The following MTOR variants were observed in gnomAD, a reference collection of about 807,000 sequenced individuals.
MTOR encodes the protein mechanistic target of rapamycin kinase.
In MTOR, 70 loss-of-function variants were observed where a neutral mutation model predicts 319.8. The observed-to-expected ratio is 0.22, with a 90% CI of 0.18 to 0.27. MTOR has a LOEUF of 0.27. Ranked by LOEUF, MTOR falls within the 10% of genes least tolerant of loss-of-function variation. The probability of loss-of-function intolerance (pLI) is 1.00; values close to 1 mark genes in which losing one functional copy is unlikely to be tolerated. For missense variants in MTOR, 1,890 were observed against 3,274.4 expected (o/e 0.58, Z 10.32); for synonymous variants, 1,183 against 1,211.4 (o/e 0.98, Z 0.49).
intron 4 of MTOR, 130 bp downstream of exon 4, chr1:11,256,803 T>C: frequency 1.2e-6 from 1 of 836,754 alleles, no homozygotes; most frequent in Non-Finnish European, 1.9e-6. Context: ...CTCTACCCCA[T>C]CTCACAGCCT....
chr1:11,173,080 G>A (rs769209580), intron 28 of MTOR, among the ~76,000 whole-genome samples: 84 of 150,948 alleles, frequency 5.6e-4, no homozygotes, highest in Non-Finnish European at 1.1e-3. Flanking sequence ...TGCACCCTCC[G>A]CTTCTTGGGT....
Position 11,130,641 on chromosome 1 carries a change from G to C in MTOR, c.5501C>G (p.Thr1834Arg), listed in dbSNP as rs142403193. 2 of 1,611,638 alleles carry C rather than the reference G, an allele frequency of 1.2e-6. No individual in the cohort carries two copies. Among genetic ancestry groups the C allele is most frequent in the Non-Finnish European group, 1.7e-6 (2 of 1,178,480 alleles). ...GGCAGTGGTGGTGGCAGTGGCGGCC[G>C]TGGTGGCGGCAGTGGTGGCGTTGGT... ...NITNATTAAT[T>R]AATATTTAST... Residue 1834 changes from threonine to arginine, a missense_variant, in exon 39 of 58, where the codon ACG (threonine) becomes AGG (arginine). Thr to Arg is a moderately conservative substitution (Grantham distance 71). This residue lies in a region of MTOR where 91 missense variants were observed against 90.4 expected (regional missense o/e 1.01). Transcript: ENST00000361445.
rs1333295038 is a variant in MTOR at position 11,128,391 on chromosome 1, T to A, written c.5910+63A>T. The A allele has an allele frequency of 2.5e-5, 39 of 1,541,750 alleles. No individual in the cohort carries two copies. Among genetic ancestry groups the A allele is most frequent in the Non-Finnish European group, 3.3e-5 (37 of 1,116,402 alleles). On this transcript the variant is annotated intron_variant, in intron 42 of 57. Transcript: ENST00000361445. The surrounding 1 kb of genome is among the most constrained non-coding windows in gnomAD (Gnocchi z 5.3). ...CCTGCGCTTGTGTCGCCAGGGCAGC[T>A]TTTGGAAAGGCTGACCACCAAACCA...
intron 28 of MTOR, among the ~76,000 whole-genome samples, chr1:11,170,169 T>G (rs1390912012): frequency 6.6e-6 from 1 of 152,170 alleles, no homozygotes; most frequent in East Asian, 1.9e-4. Context: ...GCATGATGGT[T>G]TCCCTTAGGA....
intron 29 of MTOR, among the ~76,000 whole-genome samples, chr1:11,163,391 A>C (rs1357893614): frequency 6.6e-6 from 1 of 152,186 alleles, no homozygotes; most frequent in African/African-American, 2.4e-5. Flanking sequence ...GAAAGTTAAC[A>C]AGGATATCCA....
intron 34 of MTOR, among the ~76,000 whole-genome samples, chr1:11,141,977 G>C (rs1182649427): frequency 2.0e-5 from 3 of 151,250 alleles, no homozygotes; most frequent in Non-Finnish European, 4.4e-5. Flanking sequence ...CTCCAGACTG[G>C]GGGACTCAGC....
chr1:11,130,823 C>T (rs2100434389), intron 38 of MTOR, 46 bp from the exon 39 acceptor site: 4 of 1,538,228 alleles, frequency 2.6e-6, no homozygotes, highest in South Asian at 1.2e-5. Flanking sequence ...CTGTGACCAA[C>T]AGCAGGGCTC....
At chr1:11,207,409 C>T (rs369419769) in intron 25 of MTOR, among the ~76,000 whole-genome samples, 9 of 114,148 alleles carry the variant, frequency 7.9e-5, no homozygotes, top group East Asian at 5.5e-4. Context: ...CCCCCTACCT[C>T]TTTTTTTTTT....
At chr1:11,198,946 A>C (rs1645875327) in intron 28 of MTOR, among the ~76,000 whole-genome samples, 1 of 152,180 alleles carries the variant, frequency 6.6e-6, no homozygotes, top group Admixed American at 6.5e-5. Flanking sequence ...TCTAACCCAG[A>C]CATAAAACCT....
chr1:11,130,430 A>G (rs2100427673), intron 39 of MTOR, 99 bp downstream of exon 39: 1 of 1,533,290 alleles, frequency 6.5e-7, no homozygotes. Flanking sequence ...CTGGCACTTC[A>G]GATACAGCCT....
chr1:11,138,313 CA>C (rs1318099211), intron 36 of MTOR, among the ~76,000 whole-genome samples: 1 of 152,038 alleles, frequency 6.6e-6, no homozygotes, highest in Non-Finnish European at 1.5e-5. Context: ...TAAAACAAAA[CA>C]ACAAAAAAAC....
chr1:11,193,731 A>G lies in MTOR; in HGVS notation c.4253+5527T>C, dbSNP rs558372325. The G allele has an allele frequency of 3.7e-6, 6 of 1,614,052 alleles. No homozygotes were observed. The African/African-American group carries it at 6.7e-5, about 18-fold the overall frequency. On this transcript the variant is annotated intron_variant, in intron 28 of 57. Coordinates refer to ENST00000361445, the MANE Select transcript of MTOR (RefSeq NM_004958.4). Reference sequence around the variant, plus strand: ...TTCTGGCTGGGGAACGAACACATCCACCGGCTCTCCAGACAGCCAACCCGG... The same window carrying G: ...TTCTGGCTGGGGAACGAACACATCCGCCGGCTCTCCAGACAGCCAACCCGG...
intron 18 of MTOR, among the ~76,000 whole-genome samples, chr1:11,229,480 G>A (rs193063730): frequency 1.8e-4 from 27 of 152,256 alleles, no homozygotes; most frequent in Non-Finnish European, 3.5e-4. Context: ...ATGAAGAGCT[G>A]GGCTGACTGG....
intron 54 of MTOR, chr1:11,111,701 C>T (rs2100299136): frequency 6.5e-6 from 1 of 152,674 alleles, no homozygotes; most frequent in South Asian, 2.1e-4. Context: ...TTCTGTAATG[C>T]TTTCTGTGCT....
At chr1:11,161,439 G>A (rs1327424193) in intron 29 of MTOR, among the ~76,000 whole-genome samples, 1 of 152,184 alleles carries the variant, frequency 6.6e-6, no homozygotes, top group Non-Finnish European at 1.5e-5. Flanking sequence ...GACAATAGTG[G>A]TTCTCCCAGA....
At position 11,128,350 on chromosome 1, in the gene MTOR, C is replaced by G. The variant is rs1642951363; in HGVS notation, c.5910+104G>C. The G allele has an allele frequency of 7.6e-7, 1 of 1,312,686 alleles. No individual in the cohort carries two copies. The highest frequency in any genetic ancestry group is 1.9e-5 in the Admixed American group (1 of 53,388). The allele number at this position is 1,312,686 out of a possible 1,614,324, so 81.3% of individuals were successfully genotyped here. Reference sequence around the variant, plus strand: ...CAGACCCTCCTGGGCCAGGATGGAACACATGGCTCCCAGTTCCTGCGCTTG... The same window carrying G: ...CAGACCCTCCTGGGCCAGGATGGAAGACATGGCTCCCAGTTCCTGCGCTTG... On this transcript the variant is annotated intron_variant, in intron 42 of 57. Transcript: ENST00000361445. This position sits in a 1 kb window ranked among gnomAD's most constrained non-coding sequence, Gnocchi z 5.3.
chr1:11,165,455 C>T (rs1315638285), intron 29 of MTOR, among the ~76,000 whole-genome samples: 2 of 151,902 alleles, frequency 1.3e-5, no homozygotes, highest in Admixed American at 1.3e-4. Flanking sequence ...CAATAACAGA[C>T]AAACAGAGAG....
chr1:11,107,567 C>T, intron 57 of MTOR, 67 bp from the exon 58 acceptor site: 1 of 1,570,618 alleles, frequency 6.4e-7, no homozygotes, highest in Non-Finnish European at 8.6e-7. Context: ...ACACAGATAA[C>T]TTGAAAATGA....
intron 11 of MTOR, 74 bp from the exon 12 acceptor site, chr1:11,238,691 G>A: frequency 7.4e-7 from 1 of 1,345,964 alleles, no homozygotes; most frequent in Non-Finnish European, 1.0e-6. Context: ...CTTGCTAGCT[G>A]AATTTTCCAT....
Sources: gnomAD v4.1 joint callset for allele counts (sites outside exome capture counted in the v4.1 genomes callset) on GRCh38, gnomAD v4.1.1 for gene constraint, gnomAD v4.1.1 regional missense constraint, Gnocchi (gnomAD v3.1) non-coding constraint, MANE v1.5 for transcripts, NCBI Gene and HGNC (gene_info 2026-07-23, HGNC 2026-07-21) for gene names.